MACROD2: variants seen among roughly 807,000 people sequenced by gnomAD.
MACROD2 encodes mono-ADP ribosylhydrolase 2, also known as ADP-ribose glycohydrolase MACROD2.
A neutral mutation model predicts 70.4 loss-of-function variants in MACROD2; 36 were observed. The ratio of observed to expected loss-of-function variants is 0.51; its 90% CI spans 0.39 to 0.68. The LOEUF (loss-of-function observed/expected upper bound fraction) is 0.68. MACROD2 is among the 30% of genes least tolerant of loss of function. MACROD2 has a pLI of 0.00. For missense variants in MACROD2, 496 were observed against 538.4 expected, an observed-to-expected ratio of 0.92 and a Z score of 0.78; for synonymous variants, 172 against 178.8, an observed-to-expected ratio of 0.96 and a Z score of 0.30.
chr20:14,851,626 AT>A (rs1396297822), intron 5 of MACROD2, among the ~76,000 whole-genome samples: 1 of 152,222 alleles, frequency 6.6e-6, no homozygotes, highest in Non-Finnish European at 1.5e-5. Context: ...GTGGAAAAAA[AT>A]GATTGCCCTT....
At chr20:14,565,359 ATT>A (rs398121198) in intron 4 of MACROD2, among the ~76,000 whole-genome samples, 2 of 150,538 alleles carry the variant, frequency 1.3e-5, no homozygotes, top group East Asian at 3.9e-4. Flanking sequence ...AAAAAAAAAA[ATT>A]TTTTTTTAAA....
chr20:15,267,284 G>A (rs1225339504), intron 6 of MACROD2, among the ~76,000 whole-genome samples: 1 of 152,112 alleles, frequency 6.6e-6, no homozygotes, highest in African/African-American at 2.4e-5. Context: ...CCTACCCCCA[G>A]GGAAGGGTCC....
At chr20:15,882,611 C>T (rs1003900433) in intron 9 of MACROD2, among the ~76,000 whole-genome samples, 6 of 151,902 alleles carry the variant, frequency 3.9e-5, no homozygotes, top group South Asian at 2.1e-4. Flanking sequence ...GATTGAGAGA[C>T]GGTAGTGAGG....
At chr20:15,925,666 C>A (rs1408911468) in intron 10 of MACROD2, among the ~76,000 whole-genome samples, 2 of 152,194 alleles carry the variant, frequency 1.3e-5, no homozygotes, top group African/African-American at 4.8e-5. Flanking sequence ...TGACTCTCTG[C>A]TTACCATTAC....
intron 8 of MACROD2, among the ~76,000 whole-genome samples, chr20:15,768,163 C>G (rs574042310): frequency 6.7e-6 from 1 of 149,750 alleles, no homozygotes; most frequent in Non-Finnish European, 1.5e-5. Flanking sequence ...TGTGTGTAGT[C>G]GTGCATCGCT....
rs140070201 is a variant in MACROD2, at chr20:14,088,933, G to T, written c.271+3205G>T. On this transcript the variant is annotated intron_variant, in intron 3 of 17. Coordinates refer to ENST00000684519, the MANE Select transcript of MACROD2 (RefSeq NM_001351661.2). ...TGATCAATTAATACAAATATTTTGGGAGTAATTATTGAAATAAATGGTGCA... is the reference window on the plus strand; with the variant it reads ...TGATCAATTAATACAAATATTTTGGTAGTAATTATTGAAATAAATGGTGCA... Among the ~76,000 whole-genome samples the T allele has an allele frequency of 1.8e-4, 27 of 152,262 alleles. No homozygotes were observed. The East Asian group carries it at 4.6e-3, about 26-fold the overall frequency.
At chr20:15,197,067 A>G in intron 5 of MACROD2, 1 of 978,458 alleles carries the variant, frequency 1.0e-6, no homozygotes, top group African/African-American at 1.7e-5. Context: ...AGGTCCTTAT[A>G]AGGTCCTCTT....
intron 3 of MACROD2, among the ~76,000 whole-genome samples, chr20:14,132,726 C>T (rs895639094): frequency 6.6e-6 from 1 of 151,776 alleles, no homozygotes; most frequent in Non-Finnish European, 1.5e-5. Context: ...CAGCCTTGAA[C>T]CCCCCAGCCT....
intron 8 of MACROD2, among the ~76,000 whole-genome samples, chr20:15,813,417 C>G (rs1213830188): frequency 1.3e-5 from 2 of 152,142 alleles, no homozygotes; most frequent in Non-Finnish European, 2.9e-5. Flanking sequence ...AGCAGGGACT[C>G]AGGAAAGTTT....
At chr20:15,229,311 ATAAT>A (rs2076939262) in intron 5 of MACROD2, among the ~76,000 whole-genome samples, 1 of 152,230 alleles carries the variant, frequency 6.6e-6, no homozygotes, top group South Asian at 2.1e-4. Context: ...AATAAAATAG[ATAAT>A]TAACTATTAA....
chr20:15,204,859 T>A (rs1286064916), intron 5 of MACROD2, among the ~76,000 whole-genome samples: 1 of 152,116 alleles, frequency 6.6e-6, no homozygotes, highest in Admixed American at 6.5e-5. Context: ...CATAATGATG[T>A]AGAATCTTCC....
intron 3 of MACROD2, among the ~76,000 whole-genome samples, chr20:14,145,707 A>G (rs1179239494): frequency 6.6e-6 from 1 of 152,234 alleles, no homozygotes; most frequent in Non-Finnish European, 1.5e-5. Context: ...ACTAATTTGA[A>G]AACTACACAC....
chr20:15,953,094 GGAAAT>G (rs1287496254), intron 12 of MACROD2, among the ~76,000 whole-genome samples: 1 of 152,066 alleles, frequency 6.6e-6, no homozygotes, highest in African/African-American at 2.4e-5. Flanking sequence ...TGATGTTAAG[GGAAAT>G]GAGTCAGGAA....
chr20:15,619,615 T>C, intron 8 of MACROD2: 1 of 454,640 alleles, frequency 2.2e-6, no homozygotes, highest in South Asian at 2.6e-5. Flanking sequence ...ATTCTCCTAT[T>C]TGGCTTTGGC....
intron 8 of MACROD2, among the ~76,000 whole-genome samples, chr20:15,780,950 A>G (rs979772530): frequency 3.3e-5 from 5 of 152,238 alleles, no homozygotes; most frequent in African/African-American, 1.2e-4. Flanking sequence ...CATTGAATGT[A>G]TTTCTTAATT....
intron 3 of MACROD2, among the ~76,000 whole-genome samples, chr20:14,139,751 G>A (rs984456114): frequency 6.6e-6 from 1 of 152,150 alleles, no homozygotes; most frequent in Non-Finnish European, 1.5e-5. Context: ...AAAGTCTTGA[G>A]TTACAGATTG....
chr20:14,426,578 T>G (rs2083935330), intron 3 of MACROD2, among the ~76,000 whole-genome samples: 2 of 152,166 alleles, frequency 1.3e-5, no homozygotes, highest in South Asian at 4.1e-4. Flanking sequence ...GTAGCTCGAT[T>G]GGAGTTTTTG....
rs2066163569 is a variant in MACROD2, at chr20:15,967,680, A to AG, written c.985+51dup. ...ATTTTCTTTTCTTCTGCTGGGAAAC[A>AG]GAAAAAAAAAAAAAAAAAAAACCCA... On this transcript the variant is annotated intron_variant, in intron 13 of 17. Coordinates refer to ENST00000684519, the MANE Select transcript of MACROD2 (RefSeq NM_001351661.2). 4 of 814,916 alleles carry AG rather than the reference A, an allele frequency of 4.9e-6. No homozygotes were observed. In the African/African-American group the frequency reaches 8.4e-5, roughly 17 times the overall value. The allele number at this position is 814,916 out of a possible 1,614,324, so 50.5% of individuals were successfully genotyped here.
intron 5 of MACROD2, among the ~76,000 whole-genome samples, chr20:14,708,357 G>A (rs1199717875): frequency 1.3e-5 from 2 of 152,124 alleles, no homozygotes; most frequent in East Asian, 1.9e-4. Flanking sequence ...TTCGAAAGAA[G>A]CCAAAGGCAA....
Sources: allele counts gnomAD v4.1 joint callset (sites outside exome capture counted in the v4.1 genomes callset), GRCh38; gene constraint gnomAD v4.1.1; transcripts MANE v1.5; gene names NCBI Gene and HGNC (gene_info 2026-07-23, HGNC 2026-07-21).